Variants in KIF6 observed in about 807,000 individuals in gnomAD.
KIF6 encodes kinesin-like protein KIF6.
In KIF6, 106 loss-of-function variants were observed where a neutral mutation model predicts 112.7. The ratio of observed to expected loss-of-function variants is 0.94; its 90% CI spans 0.80 to 1.11. The LOEUF (loss-of-function observed/expected upper bound fraction) is 1.11, where lower values mean the gene tolerates loss of function less well. Among genes scored for constraint, KIF6 ranks in the 50% least tolerant of loss-of-function variants. The probability of loss-of-function intolerance (pLI) is 0.00; values close to 1 mark genes in which losing one functional copy is unlikely to be tolerated. For synonymous variants in KIF6, 339 were observed against 339.9 expected (o/e 1.00, Z 0.03); for missense variants, 929 against 964.0 (o/e 0.96, Z 0.48).
chr6:39,636,857 C>T (rs1784645822), intron 4 of KIF6, among the ~76,000 whole-genome samples: 2 of 152,012 alleles, frequency 1.3e-5, no homozygotes, highest in Admixed American at 6.6e-5. Flanking sequence ...AATATTGAAA[C>T]TCCATTTATA....
At chr6:39,412,420 C>T (rs1054561938) in intron 15 of KIF6, among the ~76,000 whole-genome samples, 2 of 152,196 alleles carry the variant, frequency 1.3e-5, no homozygotes, top group Non-Finnish European at 2.9e-5. Flanking sequence ...TTTCAAGAGT[C>T]CCGTGATCTC....
intron 7 of KIF6, 51 bp downstream of exon 7, chr6:39,596,003 T>A: frequency 7.1e-7 from 1 of 1,411,374 alleles, no homozygotes. Context: ...TAGTATGTGG[T>A]CAACACATGG....
intron 5 of KIF6, among the ~76,000 whole-genome samples, chr6:39,624,734 A>G (rs1407432095): frequency 6.6e-6 from 1 of 152,218 alleles, no homozygotes; most frequent in Non-Finnish European, 1.5e-5. Context: ...TCATTAATTC[A>G]TGTCACTAAA....
Position 39,343,143 on chromosome 6 carries a change from G to T in KIF6, c.2428+566C>A. 3 of 985,376 alleles carry T rather than the reference G, an allele frequency of 3.0e-6. No individual in the cohort carries two copies. Among genetic ancestry groups the T allele is most frequent in the Non-Finnish European group, 3.6e-6 (3 of 829,920 alleles). The allele number at this position is 985,376 out of a possible 1,614,324, so 61.0% of individuals were successfully genotyped here. ...AGATGGGCAGCTGCCAAGAGGACGG[G>T]GCTGGGGGTGGAGGGGGCAGTGATG... On this transcript the variant is annotated intron_variant, in intron 22 of 22. Transcript: ENST00000287152. This position sits in a 1 kb window ranked among gnomAD's most constrained non-coding sequence, Gnocchi z 4.1.
In KIF6 at chr6:39,343,334, G is replaced by A. The variant is rs1309096022; in HGVS notation, c.2428+375C>T. The A allele has an allele frequency of 7.7e-7, 1 of 1,299,074 alleles. No homozygotes were observed. The highest frequency in any genetic ancestry group is 1.0e-6 in the Non-Finnish European group (1 of 995,140). 80.5% of individuals were successfully genotyped at this position (1,299,074 alleles called of 1,614,324 possible). On this transcript the variant is annotated intron_variant, in intron 22 of 22. Transcript: ENST00000287152. This position sits in a 1 kb window ranked among gnomAD's most constrained non-coding sequence, Gnocchi z 4.1. Reference sequence around the variant, plus strand: ...AGGGGAGTGAGACTTTAAGCCAGGGGTTCAACGAGTTACCAAAACATCACT... The same window carrying A: ...AGGGGAGTGAGACTTTAAGCCAGGGATTCAACGAGTTACCAAAACATCACT...
At chr6:39,674,315 A>T (rs921453748) in intron 3 of KIF6, among the ~76,000 whole-genome samples, 1 of 152,214 alleles carries the variant, frequency 6.6e-6, no homozygotes, top group Non-Finnish European at 1.5e-5. Context: ...GAAAGAGGAC[A>T]GGGGCCATAA....
chr6:39,689,320 A>G (rs1788044599), intron 3 of KIF6, among the ~76,000 whole-genome samples: 1 of 152,008 alleles, frequency 6.6e-6, no homozygotes, highest in Admixed American at 6.6e-5. Context: ...ACATAGTGAA[A>G]CCCTGTCTCT....
chr6:39,433,935 C>T (rs559622714), intron 13 of KIF6, among the ~76,000 whole-genome samples: 65 of 152,144 alleles, frequency 4.3e-4, no homozygotes, highest in Non-Finnish European at 7.2e-4. Context: ...CCACTTCTCA[C>T]CCCATTTTGG....
At chr6:39,461,177 T>C (rs1773449798) in intron 13 of KIF6, among the ~76,000 whole-genome samples, 1 of 152,210 alleles carries the variant, frequency 6.6e-6, no homozygotes, top group Admixed American at 6.5e-5. Context: ...TCCAACTTAA[T>C]AACAATGAGA....
chr6:39,347,886 C>A (rs1480483299), intron 19 of KIF6, among the ~76,000 whole-genome samples: 1 of 152,166 alleles, frequency 6.6e-6, no homozygotes, highest in Non-Finnish European at 1.5e-5. Flanking sequence ...CCTGGGGAAG[C>A]CCCCCCTCAC....
At chr6:39,639,239 T>A (rs1784784669) in intron 4 of KIF6, among the ~76,000 whole-genome samples, 1 of 152,108 alleles carries the variant, frequency 6.6e-6, no homozygotes, top group Non-Finnish European at 1.5e-5. Flanking sequence ...AATTATACTA[T>A]CCTGTTTAGT....
In KIF6 at chr6:39,342,601, A is replaced by T. The variant is rs28652576; in HGVS notation, c.2428+1108T>A. 0.056 allele frequency among the ~76,000 whole-genome samples: 4,589 copies of T among 81,772 alleles called. 387 individuals carry two copies. The highest frequency in any genetic ancestry group is 0.21 in the African/African-American group (1,937 of 9,260). The allele number at this position is 81,772 out of a possible 152,430, so 53.6% of individuals were successfully genotyped here. A position where few individuals can be genotyped will look rare whatever the true frequency, so the allele number is the denominator to read the frequency against. On this transcript the variant is annotated intron_variant, in intron 22 of 22. Transcript: ENST00000287152. The surrounding 1 kb of genome is among the most constrained non-coding windows in gnomAD (Gnocchi z 4.7). Reference sequence around the variant, plus strand: ...TGGAGATCACTGAATCCAGTTTTTTATTTTTTTTTATTTTTTTTTATTTTT... The same window carrying T: ...TGGAGATCACTGAATCCAGTTTTTTTTTTTTTTTTATTTTTTTTTATTTTT...
chr6:39,593,140 T>C (rs1782043678), intron 7 of KIF6, among the ~76,000 whole-genome samples: 1 of 152,206 alleles, frequency 6.6e-6, no homozygotes, highest in Non-Finnish European at 1.5e-5. Flanking sequence ...CATTCATTTA[T>C]CCTCATTGTC....
chr6:39,630,978 A>G (rs1002888970), intron 5 of KIF6, among the ~76,000 whole-genome samples: 19 of 151,966 alleles, frequency 1.3e-4, no homozygotes, highest in Non-Finnish European at 2.8e-4. Flanking sequence ...ACATTAATTG[A>G]TTTTTGAATG....
intron 15 of KIF6, among the ~76,000 whole-genome samples, chr6:39,397,875 A>C (rs1034593886): frequency 2.0e-5 from 3 of 152,198 alleles, no homozygotes; most frequent in African/African-American, 7.2e-5. Context: ...TGGGGAGTCA[A>C]CAATTCCAAG....
intron 7 of KIF6, among the ~76,000 whole-genome samples, chr6:39,593,724 A>G (rs1006218717): frequency 6.6e-6 from 1 of 152,106 alleles, no homozygotes; most frequent in Non-Finnish European, 1.5e-5. Flanking sequence ...CAGGCTTGCA[A>G]TTCCCACTGC....
chr6:39,427,829 A>G (rs778539863), intron 14 of KIF6, among the ~76,000 whole-genome samples: 5 of 152,206 alleles, frequency 3.3e-5, no homozygotes, highest in Admixed American at 2.0e-4. Context: ...AGTGAGCTCT[A>G]TATTAGAAGG....
At chr6:39,720,571 A>C in intron 2 of KIF6, 131 bp downstream of exon 2, 1 of 600,530 alleles carries the variant, frequency 1.7e-6, no homozygotes, top group Non-Finnish European at 3.0e-6. Context: ...TCAGTCTACT[A>C]GGTGAGATGA....
At chr6:39,559,019 T>C (rs961621988) in intron 10 of KIF6, among the ~76,000 whole-genome samples, 1 of 152,122 alleles carries the variant, frequency 6.6e-6, no homozygotes, top group African/African-American at 2.4e-5. Flanking sequence ...GCTTTTAGTT[T>C]TGGTTTTAAT....
Sources: gnomAD v4.1 joint callset for allele counts (sites outside exome capture counted in the v4.1 genomes callset) on GRCh38, gnomAD v4.1.1 for gene constraint, Gnocchi (gnomAD v3.1) non-coding constraint, MANE v1.5 for transcripts, NCBI Gene and HGNC (gene_info 2026-07-23, HGNC 2026-07-21) for gene names.